MAGED1: variants seen among roughly 807,000 people sequenced by gnomAD.
MAGED1 encodes the protein melanoma-associated antigen D1.
In MAGED1, 3 loss-of-function variants were observed where a neutral mutation model predicts 54.1. That is an observed-to-expected ratio of 0.06 (90% confidence interval 0.03 to 0.14). The LOEUF (loss-of-function observed/expected upper bound fraction) is 0.14. Ranked by LOEUF, MAGED1 falls within the 10% of genes least tolerant of loss-of-function variation. MAGED1 has a pLI of 1.00. For synonymous variants in MAGED1, 217 were observed against 227.3 expected, an observed-to-expected ratio of 0.95 and a Z score of 0.41; for missense variants, 485 against 623.4, an observed-to-expected ratio of 0.78 and a Z score of 2.36.
intron 1 of MAGED1, among the ~76,000 whole-genome samples, chrX:51,823,548 A>G (rs1925720138): frequency 9.0e-6 from 1 of 111,646 alleles, no homozygotes; most frequent in South Asian, 3.7e-4. Context: ...AAGATAATGT[A>G]TAGTTGGGCC....
chrX:51,889,325 A>C (rs1602264639), upstream of MAGED1, among the ~76,000 whole-genome samples: 1 of 111,003 alleles, frequency 9.0e-6, no homozygotes, highest in Admixed American at 9.6e-5. Flanking sequence ...CATCAGTTAT[A>C]TTTCAAAAAT....
At chrX:51,872,052 T>C (rs1379621870) in intron 1 of MAGED1, among the ~76,000 whole-genome samples, 3 of 112,345 alleles carry the variant, frequency 2.7e-5, no homozygotes, top group African/African-American at 9.7e-5. Flanking sequence ...TTTAATGTGT[T>C]TTTTGGCTGC....
chrX:51,875,187 C>G (rs73634255), intron 1 of MAGED1, among the ~76,000 whole-genome samples: 1 of 102,470 alleles, frequency 9.8e-6, no homozygotes, highest in African/African-American at 3.6e-5. Flanking sequence ...TCAGGTGACT[C>G]TTTCCCCAGC....
chrX:51,828,974 G>A (rs908165318), intron 1 of MAGED1, among the ~76,000 whole-genome samples: 19 of 110,306 alleles, frequency 1.7e-4, no homozygotes, highest in African/African-American at 5.9e-4. Flanking sequence ...TGCATTTCAC[G>A]TTATCAGTAA....
chrX:51,895,862 C>T, intron 3 of MAGED1, 102 bp downstream of exon 3: 2 of 653,591 alleles, frequency 3.1e-6, no homozygotes, highest in Non-Finnish European at 4.6e-6. Flanking sequence ...CTGTATTCAG[C>T]TAGGCTATAG....
chrX:51,848,461 G>A (rs1488780201), intron 1 of MAGED1, among the ~76,000 whole-genome samples: 1 of 111,407 alleles, frequency 9.0e-6, no homozygotes, highest in Non-Finnish European at 1.9e-5. Flanking sequence ...GTGAAGTGTT[G>A]TCAGCCAGGG....
intron 1 of MAGED1, among the ~76,000 whole-genome samples, chrX:51,827,347 A>C (rs782752331): frequency 8.9e-6 from 1 of 112,129 alleles, no homozygotes; most frequent in South Asian, 3.7e-4. Context: ...AAAACTATGG[A>C]GACAGTAAAA....
chrX:51,882,609 CA>C (rs35286327), intron 1 of MAGED1, among the ~76,000 whole-genome samples: 165 of 44,309 alleles, frequency 3.7e-3, no homozygotes, highest in Admixed American at 6.4e-3. Context: ...AGGGCACAGA[CA>C]AAAAAAAAAA....
chrX:51,825,327 T>A (rs1557356892), intron 1 of MAGED1, among the ~76,000 whole-genome samples: 3 of 111,524 alleles, frequency 2.7e-5, no homozygotes, highest in Non-Finnish European at 5.7e-5. Context: ...GGCAACAATG[T>A]GTCAAAAGAC....
At chrX:51,816,508 T>C (rs1557356081) in intron 1 of MAGED1, among the ~76,000 whole-genome samples, 1 of 111,813 alleles carries the variant, frequency 8.9e-6, no homozygotes. Flanking sequence ...GATACACAAA[T>C]TGTGTTAAAA....
At chrX:51,853,158 A>AT (rs1289909180) in intron 1 of MAGED1, among the ~76,000 whole-genome samples, 5 of 110,623 alleles carry the variant, frequency 4.5e-5, no homozygotes, top group Non-Finnish European at 9.5e-5. Context: ...TGAGTACTGT[A>AT]TTTTTTTTCT....
intron 1 of MAGED1, among the ~76,000 whole-genome samples, chrX:51,872,678 C>T (rs1557361695): frequency 3.2e-4 from 36 of 112,084 alleles, no homozygotes; most frequent in Non-Finnish European, 1.9e-5. Flanking sequence ...TTTCTGAGCA[C>T]TGGTCAGGAC....
chrX:51,859,166 C>A (rs1927187671), intron 1 of MAGED1, among the ~76,000 whole-genome samples: 1 of 109,264 alleles, frequency 9.2e-6, no homozygotes, highest in Non-Finnish European at 1.9e-5. Flanking sequence ...AATACTGTAC[C>A]AAGTTGTAAG....
chrX:51,877,424 G>A (rs1927912576), intron 1 of MAGED1, among the ~76,000 whole-genome samples: 1 of 111,346 alleles, frequency 9.0e-6, no homozygotes, highest in Non-Finnish European at 1.9e-5. Flanking sequence ...TGCATTGCTA[G>A]TGTTGACAAA....
chrX:51,864,633 T>C (rs781865307), intron 1 of MAGED1, among the ~76,000 whole-genome samples: 9 of 111,890 alleles, frequency 8.0e-5, no homozygotes, highest in Non-Finnish European at 1.5e-4. Context: ...ATTTCTTCCA[T>C]TATTGTTTTG....
At chrX:51,863,449 C>T (rs1442517409) in intron 1 of MAGED1, among the ~76,000 whole-genome samples, 1 of 111,803 alleles carries the variant, frequency 8.9e-6, no homozygotes, top group Non-Finnish European at 1.9e-5. Flanking sequence ...CAGGGGAGTT[C>T]AGATGCTTCT....
At chrX:51,828,790 A>G (rs955379908) in intron 1 of MAGED1, among the ~76,000 whole-genome samples, 1 of 111,596 alleles carries the variant, frequency 9.0e-6, no homozygotes, top group Non-Finnish European at 1.9e-5. Flanking sequence ...CAGTAAAAAG[A>G]AAACAGGTGA....
intron 1 of MAGED1, among the ~76,000 whole-genome samples, chrX:51,855,701 T>G (rs1927059235): frequency 9.0e-6 from 1 of 111,408 alleles, no homozygotes; most frequent in Non-Finnish European, 1.9e-5. Flanking sequence ...AATTTTTGTG[T>G]TTTTAGTAGA....
chrX:51,845,808 C>T (rs1174931605), intron 1 of MAGED1, among the ~76,000 whole-genome samples: 7 of 111,582 alleles, frequency 6.3e-5, no homozygotes, highest in African/African-American at 2.3e-4. Flanking sequence ...CAGGGTCTCA[C>T]TCTGTCACCC....
Sources: gnomAD v4.1 joint callset for allele counts (sites outside exome capture counted in the v4.1 genomes callset) on GRCh38, gnomAD v4.1.1 for gene constraint, MANE v1.5 for transcripts, NCBI Gene and HGNC (gene_info 2026-07-23, HGNC 2026-07-21) for gene names.